CNTN3: variants seen among roughly 807,000 people sequenced by gnomAD.
CNTN3 encodes the protein contactin-3.
A neutral mutation model predicts 119.1 loss-of-function variants in CNTN3; 60 were observed. The ratio of observed to expected loss-of-function variants is 0.50; its 90% CI spans 0.41 to 0.62. CNTN3 has a LOEUF of 0.62. CNTN3 is among the 20% of genes least tolerant of loss of function. The probability of loss-of-function intolerance (pLI) is 0.00; values close to 1 mark genes in which losing one functional copy is unlikely to be tolerated. For missense variants in CNTN3, 1,101 were observed against 1,242.4 expected, an observed-to-expected ratio of 0.89 and a Z score of 1.71; for synonymous variants, 450 against 438.7, an observed-to-expected ratio of 1.03 and a Z score of -0.32.
At chr3:74,320,709 T>C (rs1702966481) in intron 13 of CNTN3, among the ~76,000 whole-genome samples, 1 of 152,134 alleles carries the variant, frequency 6.6e-6, no homozygotes. Flanking sequence ...CAGATCCAAC[T>C]TCATGAAGAC....
chr3:74,428,973 C>A (rs2106905851), intron 4 of CNTN3, among the ~76,000 whole-genome samples: 1 of 152,196 alleles, frequency 6.6e-6, no homozygotes, highest in Non-Finnish European at 1.5e-5. Context: ...AGCCTAGCAG[C>A]AATAGGCTAT....
intron 17 of CNTN3, 109 bp from the exon 18 acceptor site, chr3:74,298,300 T>C: frequency 1.5e-6 from 1 of 646,258 alleles, no homozygotes; most frequent in African/African-American, 1.8e-5. Context: ...AATAATCATC[T>C]ACATTGTATT....
intron 1 of CNTN3, among the ~76,000 whole-genome samples, chr3:74,605,880 T>C (rs1334369163): frequency 1.3e-5 from 2 of 152,054 alleles, no homozygotes; most frequent in African/African-American, 2.4e-5. Flanking sequence ...AAGGTAAGAG[T>C]GAGTCACCAT....
chr3:74,352,139 A>G (rs1368229611), intron 11 of CNTN3, among the ~76,000 whole-genome samples: 3 of 152,198 alleles, frequency 2.0e-5, no homozygotes, highest in Admixed American at 2.0e-4. Context: ...ATCATATGTG[A>G]ACTTTGCCAC....
At chr3:74,545,366 C>A (rs1160580075) in intron 1 of CNTN3, among the ~76,000 whole-genome samples, 1 of 152,148 alleles carries the variant, frequency 6.6e-6, no homozygotes, top group Non-Finnish European at 1.5e-5. Flanking sequence ...CCTCCTCAAT[C>A]GTTAAGACTC....
intron 11 of CNTN3, among the ~76,000 whole-genome samples, chr3:74,354,908 T>C (rs1339248452): frequency 1.3e-5 from 2 of 152,062 alleles, no homozygotes; most frequent in African/African-American, 4.8e-5. Flanking sequence ...GTTTCAGAGG[T>C]AAGCTGTACA....
chr3:74,544,639 C>A (rs1046827226), intron 1 of CNTN3, among the ~76,000 whole-genome samples: 1 of 152,108 alleles, frequency 6.6e-6, no homozygotes, highest in Non-Finnish European at 1.5e-5. Context: ...TGCTTTGTCA[C>A]CCAGGCTGGA....
rs112025031 is a variant in CNTN3 at position 74,477,848 on chromosome 3, T to A, written c.358+8608A>T. ...TATGTAGCCACAACAATTAAAAATT[T>A]AAAAAAATTAAAAAAAAACACAGAT... On this transcript the variant is annotated intron_variant, in intron 4 of 22. Coordinates refer to ENST00000263665, the MANE Select transcript of CNTN3 (RefSeq NM_020872.3). Among the ~76,000 whole-genome samples, 860 of 151,824 alleles carry A rather than the reference T, an allele frequency of 5.7e-3. 8 individuals are homozygous for A. Among genetic ancestry groups the A allele is most frequent in the African/African-American group, 0.019 (790 of 41,392 alleles).
chr3:74,326,538 G>A (rs923087160), intron 13 of CNTN3, among the ~76,000 whole-genome samples: 1 of 151,980 alleles, frequency 6.6e-6, no homozygotes, highest in African/African-American at 2.4e-5. Context: ...ACCTTACAGT[G>A]CTATAGACAA....
At chr3:74,431,232 T>G (rs1001087763) in intron 4 of CNTN3, among the ~76,000 whole-genome samples, 1 of 152,160 alleles carries the variant, frequency 6.6e-6, no homozygotes. Context: ...CATCAATGCA[T>G]ATGGAGAAAA....
At chr3:74,517,864 T>C (rs1236998327) in intron 2 of CNTN3, among the ~76,000 whole-genome samples, 2 of 151,966 alleles carry the variant, frequency 1.3e-5, no homozygotes, top group East Asian at 3.9e-4. Flanking sequence ...CCTGCAATGA[T>C]ACCCACCCCT....
At chr3:74,450,035 T>C (rs1355313500) in intron 4 of CNTN3, among the ~76,000 whole-genome samples, 3 of 152,142 alleles carry the variant, frequency 2.0e-5, no homozygotes, top group Non-Finnish European at 4.4e-5. Context: ...AAACTGAGCC[T>C]ATCCTCCCAA....
At chr3:74,328,497 G>A (rs898676402) in intron 13 of CNTN3, among the ~76,000 whole-genome samples, 1 of 152,062 alleles carries the variant, frequency 6.6e-6, no homozygotes, top group Non-Finnish European at 1.5e-5. Context: ...TAACTCTGCT[G>A]TTTTTATGGG....
At chr3:74,451,473 A>G (rs943287494) in intron 4 of CNTN3, among the ~76,000 whole-genome samples, 2 of 151,612 alleles carry the variant, frequency 1.3e-5, no homozygotes, top group African/African-American at 2.4e-5. Flanking sequence ...TTGCCTGTTC[A>G]CTCTGATGGT....
intron 1 of CNTN3, among the ~76,000 whole-genome samples, chr3:74,521,397 G>T (rs970195706): frequency 1.3e-5 from 2 of 150,922 alleles, no homozygotes; most frequent in African/African-American, 4.8e-5. Flanking sequence ...AGATGGAAAC[G>T]ATCTTATAGA....
At chr3:74,519,221 C>A (rs576824525) in intron 2 of CNTN3, among the ~76,000 whole-genome samples, 1 of 151,852 alleles carries the variant, frequency 6.6e-6, no homozygotes, top group South Asian at 2.1e-4. Context: ...TATATAATTA[C>A]ATATAATTTG....
intron 1 of CNTN3, among the ~76,000 whole-genome samples, chr3:74,600,052 C>G (rs3886342): frequency 0.19 from 29,048 of 151,798 alleles, 5,066 homozygotes; most frequent in African/African-American, 0.45. Context: ...TTTTATTTAT[C>G]TCCATGTTTC....
chr3:74,439,438 C>T (rs9882375), intron 4 of CNTN3, among the ~76,000 whole-genome samples: 64,019 of 151,764 alleles, frequency 0.42, 13,613 homozygotes, highest in East Asian at 0.57. Context: ...GCCTGGAAGG[C>T]AGAGGTTGCA....
At chr3:74,543,358 C>T (rs1432997038) in intron 1 of CNTN3, among the ~76,000 whole-genome samples, 3 of 151,994 alleles carry the variant, frequency 2.0e-5, no homozygotes. Flanking sequence ...TCAGGAGTGA[C>T]CTGGTCAAGA....
Sources: allele counts gnomAD v4.1 joint callset (sites outside exome capture counted in the v4.1 genomes callset), GRCh38; gene constraint gnomAD v4.1.1; transcripts MANE v1.5; gene names NCBI Gene and HGNC (gene_info 2026-07-23, HGNC 2026-07-21).